The following SCN2A variants were observed in gnomAD, a reference collection of about 807,000 sequenced individuals.
The protein encoded by SCN2A is sodium voltage-gated channel alpha subunit 2.
SCN2A carries 20 observed loss-of-function variants against 188.7 expected under a neutral mutation model. That is an observed-to-expected ratio of 0.11 (90% CI 0.07 to 0.15). The LOEUF (loss-of-function observed/expected upper bound fraction) is 0.15. Ranked by LOEUF, SCN2A falls within the 10% of genes least tolerant of loss-of-function variation. The probability of loss-of-function intolerance (pLI) is 1.00; values close to 1 mark genes in which losing one functional copy is unlikely to be tolerated. For missense variants in SCN2A, 1,278 were observed against 2,445.0 expected (o/e 0.52, Z 10.07); for synonymous variants, 804 against 833.1 (o/e 0.97, Z 0.60).
intron 17 of SCN2A, among the ~76,000 whole-genome samples, chr2:165,363,943 A>G (rs1230861637): frequency 6.6e-6 from 1 of 152,194 alleles, no homozygotes; most frequent in Non-Finnish European, 1.5e-5. Context: ...TTAAGTCATC[A>G]GCATCACTAT....
intron 3 of SCN2A, among the ~76,000 whole-genome samples, chr2:165,304,454 T>G (rs987360995): frequency 1.3e-5 from 2 of 152,238 alleles, no homozygotes; most frequent in African/African-American, 4.8e-5. Flanking sequence ...CAGAAATTGT[T>G]TTTAAAAACT....
At chr2:165,280,302 G>C (rs1695528660) in intron 1 of SCN2A, among the ~76,000 whole-genome samples, 1 of 152,142 alleles carries the variant, frequency 6.6e-6, no homozygotes, top group East Asian at 1.9e-4. Context: ...CTCTGTGCCA[G>C]GGATTGTCCT....
In SCN2A at chr2:165,352,172, TTTC is replaced by T. The variant is rs1699954558; in HGVS notation, c.2920-2016_2920-2014del. 2.6e-5 allele frequency among the ~76,000 whole-genome samples: 4 copies of T among 152,206 alleles called. No individual in the cohort carries two copies. In the South Asian group the frequency reaches 8.3e-4, roughly 31 times the overall value. The stretch of plus-strand genomic sequence containing the variant: ...AAAATAAAAATTTTACATGCAATTT[TTTC>T]TTCCTTTGTCTGTTTTTTTAATCCA... On this transcript the variant is annotated intron_variant, in intron 16 of 26. Transcript: ENST00000375437.
At chr2:165,301,990 A>G (rs1424236865) in intron 3 of SCN2A, among the ~76,000 whole-genome samples, 1 of 152,184 alleles carries the variant, frequency 6.6e-6, no homozygotes, top group East Asian at 1.9e-4. Flanking sequence ...CCAATAGAAA[A>G]CAAATGATTT....
Position 165,389,706 on chromosome 2 carries a change from C to T in SCN2A, c.5900C>T (p.Pro1967Leu). 2 of 1,613,880 alleles carry T rather than the reference C, an allele frequency of 1.2e-6. No individual in the cohort carries two copies. Among genetic ancestry groups the T allele is most frequent in the Non-Finnish European group, 1.7e-6 (2 of 1,179,934 alleles). Residue 1967 changes from proline (P) to leucine (L), a missense_variant, in exon 27 of 27, where the codon CCT becomes CTT. Transcript: ENST00000375437. The surrounding 1 kb of genome is among the most constrained non-coding windows in gnomAD (Gnocchi z 4.2). ...ACTCCAGAGAAAACCGATATGACGCCTTCCACCACGTCTCCACCCTCGTAT... is the reference window on the plus strand; with the variant it reads ...ACTCCAGAGAAAACCGATATGACGCTTTCCACCACGTCTCCACCCTCGTAT... ...NSTPEKTDMT[P>L]STTSPPSYDS...
At chr2:165,258,585 A>G (rs919390260) in intron 1 of SCN2A, among the ~76,000 whole-genome samples, 2 of 152,226 alleles carry the variant, frequency 1.3e-5, no homozygotes, top group Admixed American at 6.5e-5. Flanking sequence ...ATAATTGGGT[A>G]TGTGCCCAAA....
intron 11 of SCN2A, among the ~76,000 whole-genome samples, chr2:165,322,441 C>A (rs1028761817): frequency 6.6e-6 from 1 of 152,022 alleles, no homozygotes; most frequent in Non-Finnish European, 1.5e-5. Flanking sequence ...TTTAAAAAAA[C>A]AAAAAATTAA....
intron 1 of SCN2A, among the ~76,000 whole-genome samples, chr2:165,242,791 C>T (rs560085080): frequency 6.6e-6 from 1 of 152,084 alleles, no homozygotes; most frequent in Non-Finnish European, 1.5e-5. Flanking sequence ...GTGGAAGAGA[C>T]AGAAGGAAGG....
At chr2:165,291,575 T>TCCTTCCTTCCTTTCTCTC (rs1460696524) in intron 1 of SCN2A, among the ~76,000 whole-genome samples, 2 of 70,552 alleles carry the variant, frequency 2.8e-5, no homozygotes, top group African/African-American at 9.3e-5. Context: ...CTTCCTTCCT[T>TCCTTCCTTCCTTTCTCTC]TCTCTCTCTC....
At chr2:165,302,914 T>C (rs757685477) in intron 3 of SCN2A, among the ~76,000 whole-genome samples, 1 of 152,208 alleles carries the variant, frequency 6.6e-6, no homozygotes, top group Non-Finnish European at 1.5e-5. Context: ...CGCAGGTTAG[T>C]ATCAATCAAC....
chr2:165,327,783 TTTG>T (rs1170822726), intron 13 of SCN2A: 1 of 152,230 alleles, frequency 6.6e-6, no homozygotes, highest in Non-Finnish European at 1.5e-5. Context: ...TATTAGTTGT[TTTG>T]TTGTTGTTAT....
chr2:165,278,737 C>T (rs35167624), intron 1 of SCN2A, among the ~76,000 whole-genome samples: 7,674 of 152,054 alleles, frequency 0.05, 259 homozygotes, highest in Middle Eastern at 0.11. Flanking sequence ...AGGAGACCAG[C>T]GCTGGCAACA....
At chr2:165,281,084 G>T (rs1216091609) in intron 1 of SCN2A, among the ~76,000 whole-genome samples, 1 of 152,102 alleles carries the variant, frequency 6.6e-6, no homozygotes, top group Non-Finnish European at 1.5e-5. Context: ...AGCCAGGCAA[G>T]GTGGCATGTG....
intron 20 of SCN2A, 169 bp from the exon 21 acceptor site, chr2:165,373,056 C>A: frequency 1.5e-6 from 1 of 665,846 alleles, no homozygotes; most frequent in Non-Finnish European, 2.6e-6. Flanking sequence ...TAGGCCTTTC[C>A]CCAAACTTAC....
chr2:165,244,144 G>A (rs12692760), intron 1 of SCN2A, among the ~76,000 whole-genome samples: 96,953 of 151,800 alleles, frequency 0.64, 31,467 homozygotes, highest in African/African-American at 0.75. Context: ...CCAGAGGCCG[G>A]GGCAGGAGAA....
chr2:165,256,024 G>A lies in SCN2A; in HGVS notation c.-52+16384G>A, dbSNP rs1182936463. Among the ~76,000 whole-genome samples, 14 of 47,984 alleles carry A rather than the reference G, an allele frequency of 2.9e-4. No homozygotes were observed. In the Admixed American group the frequency reaches 3.4e-3, roughly 12 times the overall value. The allele number at this position is 47,984 out of a possible 152,430, so 31.5% of individuals were successfully genotyped here. A position where few individuals can be genotyped will look rare whatever the true frequency, so the allele number is the denominator to read the frequency against. On this transcript the variant is annotated intron_variant, in intron 1 of 26. Transcript: ENST00000375437. ...TCTTTTTTTTTTTTTTTTTTTTGGT[G>A]ATGGAGTCTCTCGCTCTGTCGCCCA...
At chr2:165,358,236 T>A (rs1559386642) in intron 17 of SCN2A, among the ~76,000 whole-genome samples, 1 of 151,994 alleles carries the variant, frequency 6.6e-6, no homozygotes, top group East Asian at 1.9e-4. Context: ...CCTCTGTCTT[T>A]AAAAAAAAGA....
chr2:165,373,731 T>C (rs1701165774), intron 21 of SCN2A, among the ~76,000 whole-genome samples: 1 of 152,152 alleles, frequency 6.6e-6, no homozygotes, highest in African/African-American at 2.4e-5. Flanking sequence ...GTGATACACT[T>C]TGAGCCTTTT....
intron 1 of SCN2A, among the ~76,000 whole-genome samples, chr2:165,256,957 T>G (rs1443232209): frequency 6.6e-6 from 1 of 152,232 alleles, no homozygotes; most frequent in Non-Finnish European, 1.5e-5. Flanking sequence ...AGTTACTAGT[T>G]CAACTTGTAA....
Sources: allele counts gnomAD v4.1 joint callset (sites outside exome capture counted in the v4.1 genomes callset), GRCh38; gene constraint gnomAD v4.1.1; non-coding constraint Gnocchi (gnomAD v3.1); transcripts MANE v1.5; gene names NCBI Gene and HGNC (gene_info 2026-07-23, HGNC 2026-07-21).